The following DLG2 variants were observed in gnomAD, a reference collection of about 807,000 sequenced individuals.
DLG2 encodes discs large MAGUK scaffold protein 2.
In DLG2, 45 loss-of-function variants were observed where a neutral mutation model predicts 132.5. The observed-to-expected ratio is 0.34, with a 90% CI of 0.27 to 0.44. The LOEUF (loss-of-function observed/expected upper bound fraction) is 0.44, where lower values mean the gene tolerates loss of function less well. Among genes scored for constraint, DLG2 ranks in the 20% least tolerant of loss-of-function variants. The pLI, the probability that DLG2 is intolerant of heterozygous loss-of-function variation, is 1.00. For synonymous variants in DLG2, 424 were observed against 419.6 expected, an observed-to-expected ratio of 1.01 and a Z score of -0.13; for missense variants, 1,045 against 1,196.9, an observed-to-expected ratio of 0.87 and a Z score of 1.87.
At chr11:83,884,216 T>C (rs1036616058) in intron 15 of DLG2, among the ~76,000 whole-genome samples, 5 of 152,192 alleles carry the variant, frequency 3.3e-5, no homozygotes, top group East Asian at 3.9e-4. Context: ...AGATGGCACC[T>C]GGAAAATCGG....
chr11:83,943,018 G>A (rs2083017531), intron 14 of DLG2, among the ~76,000 whole-genome samples: 1 of 152,148 alleles, frequency 6.6e-6, no homozygotes, highest in African/African-American at 2.4e-5. Flanking sequence ...AGATCTGAAA[G>A]TTTTATAAGG....
intron 11 of DLG2, among the ~76,000 whole-genome samples, chr11:84,040,195 C>G (rs566021424): frequency 6.6e-6 from 1 of 150,396 alleles, no homozygotes; most frequent in African/African-American, 2.4e-5. Context: ...ATGGTAGTTT[C>G]TTTTGCTGTG....
intron 6 of DLG2, among the ~76,000 whole-genome samples, chr11:84,547,622 A>T (rs1220179285): frequency 2.6e-5 from 4 of 152,210 alleles, no homozygotes; most frequent in East Asian, 3.8e-4. Flanking sequence ...AACTTAGTTG[A>T]TAAATGATAT....
intron 6 of DLG2, among the ~76,000 whole-genome samples, chr11:84,657,080 T>C (rs2099689188): frequency 6.6e-6 from 1 of 152,166 alleles, no homozygotes; most frequent in Non-Finnish European, 1.5e-5. Flanking sequence ...GAATCTTTCC[T>C]AGGATCACAC....
At chr11:84,082,277 A>G (rs2096916106) in intron 10 of DLG2, among the ~76,000 whole-genome samples, 2 of 152,222 alleles carry the variant, frequency 1.3e-5, no homozygotes, top group South Asian at 4.1e-4. Context: ...AAGGCAGGAT[A>G]AAAGTTCAAC....
intron 15 of DLG2, among the ~76,000 whole-genome samples, chr11:83,922,162 A>T (rs565216663): frequency 6.6e-6 from 1 of 152,316 alleles, no homozygotes; most frequent in Non-Finnish European, 1.5e-5. Flanking sequence ...GTATCAAAAA[A>T]TAGTGAGGGA....
At chr11:83,478,779 G>A (rs2092836760) in intron 22 of DLG2, among the ~76,000 whole-genome samples, 1 of 151,950 alleles carries the variant, frequency 6.6e-6, no homozygotes, top group Non-Finnish European at 1.5e-5. Context: ...ATTGAAAACT[G>A]AACATCAAGG....
chr11:84,775,917 T>C (rs2070387134), intron 6 of DLG2, among the ~76,000 whole-genome samples: 1 of 152,158 alleles, frequency 6.6e-6, no homozygotes, highest in African/African-American at 2.4e-5. Flanking sequence ...TAAAAAGGAA[T>C]TAGGAAAGGA....
chr11:83,830,824 C>A (rs766934062), intron 17 of DLG2, among the ~76,000 whole-genome samples: 12 of 152,118 alleles, frequency 7.9e-5, no homozygotes, highest in African/African-American at 2.7e-4. Flanking sequence ...ACCTATCCTG[C>A]CACTTAGAAT....
chr11:85,535,506 A>T (rs1221288048), intron 3 of DLG2, among the ~76,000 whole-genome samples: 1 of 152,214 alleles, frequency 6.6e-6, no homozygotes, highest in Non-Finnish European at 1.5e-5. Flanking sequence ...TTAAATGTGG[A>T]GAAGGTAGAA....
intron 6 of DLG2, among the ~76,000 whole-genome samples, chr11:84,994,663 G>A (rs761217766): frequency 6.6e-6 from 1 of 152,138 alleles, no homozygotes; most frequent in Non-Finnish European, 1.5e-5. Context: ...TTGTGTTTTG[G>A]GGGGAGATTA....
At chr11:85,289,844 C>T (rs979633716) in intron 3 of DLG2, among the ~76,000 whole-genome samples, 2 of 150,740 alleles carry the variant, frequency 1.3e-5, no homozygotes, top group African/African-American at 2.5e-5. Context: ...AAGTAAAATG[C>T]TGCTGTTTTC....
intron 2 of DLG2, among the ~76,000 whole-genome samples, chr11:85,622,084 C>G (rs1206317718): frequency 6.6e-6 from 1 of 152,210 alleles, no homozygotes; most frequent in Non-Finnish European, 1.5e-5. Flanking sequence ...GAAGCAAGAT[C>G]TTCCACCAGC....
intron 6 of DLG2, among the ~76,000 whole-genome samples, chr11:84,954,867 A>C (rs2154105046): frequency 6.6e-6 from 1 of 152,274 alleles, no homozygotes; most frequent in Admixed American, 6.5e-5. Context: ...CCTATGTACC[A>C]TACTGCATAA....
intron 6 of DLG2, among the ~76,000 whole-genome samples, chr11:84,681,482 G>C (rs553846250): frequency 1.3e-5 from 2 of 152,244 alleles, no homozygotes; most frequent in South Asian, 2.1e-4. Context: ...ATTAGGAAGT[G>C]GGGGGTACCG....
At chr11:85,157,856 T>A (rs1413679657) in intron 4 of DLG2, among the ~76,000 whole-genome samples, 1 of 152,080 alleles carries the variant, frequency 6.6e-6, no homozygotes, top group African/African-American at 2.4e-5. Context: ...TGACGAAGCT[T>A]TTTTTGCCAG....
intron 19 of DLG2, among the ~76,000 whole-genome samples, chr11:83,578,413 C>T (rs1161560294): frequency 6.6e-6 from 1 of 152,014 alleles, no homozygotes; most frequent in Non-Finnish European, 1.5e-5. Context: ...ATGACACCAA[C>T]AATCATGTCA....
At chr11:84,525,903 C>A (rs2099318879) in intron 7 of DLG2, among the ~76,000 whole-genome samples, 1 of 152,126 alleles carries the variant, frequency 6.6e-6, no homozygotes, top group African/African-American at 2.4e-5. Context: ...GAGTATAGGG[C>A]AACCTTGACT....
chr11:84,006,543 C>T (rs953346865), intron 11 of DLG2, among the ~76,000 whole-genome samples: 1 of 151,142 alleles, frequency 6.6e-6, no homozygotes, highest in Non-Finnish European at 1.5e-5. Flanking sequence ...GTATTTAATA[C>T]TTAAGTATTT....
Sources: gnomAD v4.1 joint callset for allele counts (sites outside exome capture counted in the v4.1 genomes callset) on GRCh38, gnomAD v4.1.1 for gene constraint, MANE v1.5 for transcripts, NCBI Gene and HGNC (gene_info 2026-07-23, HGNC 2026-07-21) for gene names.